The following SDK1 variants were observed in gnomAD, a reference collection of about 807,000 sequenced individuals.
The protein encoded by SDK1 is sidekick cell adhesion molecule 1.
SDK1 carries 157 observed loss-of-function variants against 245.5 expected under a neutral mutation model. The observed-to-expected ratio is 0.64, with a 90% CI of 0.56 to 0.73. The LOEUF is 0.73. Among genes scored for constraint, SDK1 ranks in the 30% least tolerant of loss-of-function variants. The pLI is 0.00. For synonymous variants in SDK1, 1,647 were observed against 1,278.5 expected, an observed-to-expected ratio of 1.29 and a Z score of -6.15; for missense variants, 3,583 against 3,002.3, an observed-to-expected ratio of 1.19 and a Z score of -4.52.
chr7:3,364,637 G>T (rs1562442372), intron 1 of SDK1, among the ~76,000 whole-genome samples: 1 of 151,962 alleles, frequency 6.6e-6, no homozygotes, highest in Non-Finnish European at 1.5e-5. Flanking sequence ...ATTGATCTGT[G>T]TATGTCCCCC....
chr7:3,483,658 A>C (rs1781587196), intron 1 of SDK1, among the ~76,000 whole-genome samples: 1 of 152,134 alleles, frequency 6.6e-6, no homozygotes, highest in South Asian at 2.1e-4. Context: ...TTTACCATTA[A>C]ATGTAATATT....
chr7:3,341,863 G>A (rs932038952), intron 1 of SDK1, among the ~76,000 whole-genome samples: 2 of 152,134 alleles, frequency 1.3e-5, no homozygotes, highest in South Asian at 2.1e-4. Flanking sequence ...CTGAATTATC[G>A]TAGCTTTTAT....
At position 3,765,986 on chromosome 7, in the gene SDK1, A is replaced by T. The variant is rs140099294; in HGVS notation, c.714-55464A>T. On this transcript the variant is annotated intron_variant, in intron 4 of 44. Transcript: ENST00000404826. ...AGATACAGAACCTAGGAGCAATAACATTGTAATACAAAGAATTGATCACTT... is the reference window on the plus strand; with the variant it reads ...AGATACAGAACCTAGGAGCAATAACTTTGTAATACAAAGAATTGATCACTT... Among the ~76,000 whole-genome samples, 313 of 152,300 alleles carry T rather than the reference A, an allele frequency of 2.1e-3. 2 individuals are homozygous for T. The highest frequency in any genetic ancestry group is 7.4e-3 in the African/African-American group (306 of 41,564).
At chr7:3,589,430 C>T (rs1012308676) in intron 1 of SDK1, among the ~76,000 whole-genome samples, 2 of 152,208 alleles carry the variant, frequency 1.3e-5, no homozygotes, top group African/African-American at 4.8e-5. Context: ...ACCTCCATGG[C>T]GCCTCCCCAT....
intron 1 of SDK1, among the ~76,000 whole-genome samples, chr7:3,586,723 GAAAT>G (rs1780700885): frequency 1.4e-5 from 2 of 145,344 alleles, no homozygotes; most frequent in African/African-American, 5.1e-5. Context: ...AAAAAAAAAA[GAAAT>G]AGAGGACAGA....
chr7:4,205,289 A>G (rs887112968), intron 35 of SDK1, among the ~76,000 whole-genome samples: 7 of 152,158 alleles, frequency 4.6e-5, no homozygotes, highest in African/African-American at 1.7e-4. Context: ...GGATGCCTGA[A>G]CCTGTCATGG....
At chr7:3,496,452 T>C (rs377591632) in intron 1 of SDK1, among the ~76,000 whole-genome samples, 1 of 152,072 alleles carries the variant, frequency 6.6e-6, no homozygotes, top group South Asian at 2.1e-4. Flanking sequence ...CACGCTGTGT[T>C]TTTAACTTTT....
intron 40 of SDK1, among the ~76,000 whole-genome samples, chr7:4,222,331 G>A (rs926642319): frequency 6.6e-6 from 1 of 152,140 alleles, no homozygotes; most frequent in African/African-American, 2.4e-5. Flanking sequence ...GTCTCTTTCT[G>A]TCACCCAGCC....
At chr7:3,964,794 C>G (rs994491575) in intron 9 of SDK1, among the ~76,000 whole-genome samples, 2 of 152,164 alleles carry the variant, frequency 1.3e-5, no homozygotes, top group East Asian at 3.9e-4. Context: ...AAGGGCTCTT[C>G]CCACCCACAG....
At chr7:3,843,883 G>A (rs1275284121) in intron 5 of SDK1, among the ~76,000 whole-genome samples, 3 of 152,192 alleles carry the variant, frequency 2.0e-5, no homozygotes, top group Non-Finnish European at 4.4e-5. Context: ...AGATGTATAT[G>A]AAGGTTTATG....
chr7:4,138,085 G>A lies in SDK1; in HGVS notation c.4228+5662G>A, dbSNP rs564214812. Among the ~76,000 whole-genome samples, 10 of 152,298 alleles carry A rather than the reference G, an allele frequency of 6.6e-5. No individual in the cohort carries two copies. The East Asian group carries it at 1.9e-3, about 29-fold the overall frequency. ...GGCAAATAATAGGAAGGTACAAATA[G>A]AACACACAGGCCAAGGAGTTTTCTT... On this transcript the variant is annotated intron_variant, in intron 28 of 44. Transcript: ENST00000404826.
chr7:3,303,942 A>G lies in SDK1; in HGVS notation c.298+2058A>G, dbSNP rs186844958. The stretch of plus-strand genomic sequence containing the variant: ...ATGTAACATTCTAAATGGAATAGTT[A>G]CCACTACGTTGGAGCGCCTCCTAAG... On this transcript the variant is annotated intron_variant, in intron 1 of 44. Transcript: ENST00000404826. Among the ~76,000 whole-genome samples, 10 of 152,318 alleles carry G rather than the reference A, an allele frequency of 6.6e-5. No homozygotes were observed. In the East Asian group the frequency reaches 1.9e-3, roughly 29 times the overall value.
chr7:3,600,932 A>T (rs1227902660), intron 1 of SDK1, among the ~76,000 whole-genome samples: 1 of 152,164 alleles, frequency 6.6e-6, no homozygotes, highest in Non-Finnish European at 1.5e-5. Flanking sequence ...TTTTAAGATC[A>T]TGAATGTTGT....
At chr7:3,413,901 A>T (rs1035764608) in intron 1 of SDK1, among the ~76,000 whole-genome samples, 2 of 152,128 alleles carry the variant, frequency 1.3e-5, no homozygotes, top group African/African-American at 4.8e-5. Context: ...TGAGCCCAGG[A>T]GTTCAAAGTT....
At chr7:4,027,703 G>A (rs543467358) in intron 17 of SDK1, among the ~76,000 whole-genome samples, 2 of 152,262 alleles carry the variant, frequency 1.3e-5, no homozygotes, top group South Asian at 2.1e-4. Flanking sequence ...CAGGGGTGTT[G>A]CAAATAAGCT....
intron 6 of SDK1, 130 bp downstream of exon 6, chr7:3,951,164 C>A: frequency 1.5e-6 from 1 of 687,064 alleles, no homozygotes; most frequent in Non-Finnish European, 2.6e-6. Flanking sequence ...GCCGGGTGGG[C>A]CATGAATACG....
chr7:3,787,375 A>G (rs1020384024), intron 4 of SDK1, among the ~76,000 whole-genome samples: 2 of 152,356 alleles, frequency 1.3e-5, no homozygotes, highest in East Asian at 3.8e-4. Flanking sequence ...GCAGAAAAGC[A>G]AAGGTGACAG....
At chr7:3,839,836 C>G (rs530713935) in intron 5 of SDK1, among the ~76,000 whole-genome samples, 2 of 152,090 alleles carry the variant, frequency 1.3e-5, no homozygotes, top group South Asian at 2.1e-4. Flanking sequence ...GTTTTAGAGT[C>G]ACAGGAAATT....
intron 5 of SDK1, among the ~76,000 whole-genome samples, chr7:3,885,413 G>C (rs1235808644): frequency 6.6e-6 from 1 of 152,138 alleles, no homozygotes; most frequent in African/African-American, 2.4e-5. Flanking sequence ...ATGCAGTGCA[G>C]CCCTCTCTGA....
Sources: allele counts gnomAD v4.1 joint callset (sites outside exome capture counted in the v4.1 genomes callset), GRCh38; gene constraint gnomAD v4.1.1; transcripts MANE v1.5; gene names NCBI Gene and HGNC (gene_info 2026-07-23, HGNC 2026-07-21).